Variants in EPHA7 observed in about 807,000 individuals in gnomAD.
EPHA7 encodes ephrin type-A receptor 7.
EPHA7 carries 25 observed loss-of-function variants against 112.6 expected under a neutral mutation model. That is an observed-to-expected ratio of 0.22 (90% CI 0.16 to 0.31). The LOEUF is 0.31. Ranked by LOEUF, EPHA7 falls within the 10% of genes least tolerant of loss-of-function variation. EPHA7 has a pLI of 1.00. For missense variants in EPHA7, 962 were observed against 1,212.6 expected, an observed-to-expected ratio of 0.79 and a Z score of 3.07; for synonymous variants, 437 against 406.5, an observed-to-expected ratio of 1.07 and a Z score of -0.90.
rs558435334 is a variant in EPHA7, at chr6:93,387,806, G to T, written c.832+22695C>A. 7.9e-5 allele frequency among the ~76,000 whole-genome samples: 12 copies of T among 152,130 alleles called. 1 individual carries two copies. The South Asian group carries it at 2.5e-3, about 32-fold the overall frequency. On this transcript the variant is annotated intron_variant, in intron 3 of 16. Transcript: ENST00000369303. ...CTCACTATCACAAGAACAGCATGGG[G>T]TAATCACCTCCATGATCTAATCAAC...
chr6:93,251,415 T>G (rs1254781320), intron 14 of EPHA7, among the ~76,000 whole-genome samples: 2 of 151,824 alleles, frequency 1.3e-5, no homozygotes, highest in African/African-American at 4.8e-5. Context: ...AATATCTACC[T>G]ACTAGGAAAA....
intron 3 of EPHA7, among the ~76,000 whole-genome samples, chr6:93,405,836 TA>T: frequency 7.8e-6 from 1 of 129,022 alleles, no homozygotes; most frequent in African/African-American, 2.7e-5. Context: ...TATATATATA[TA>T]TATATATATA....
At chr6:93,340,142 A>G (rs1775071269) in intron 5 of EPHA7, among the ~76,000 whole-genome samples, 1 of 151,838 alleles carries the variant, frequency 6.6e-6, no homozygotes, top group Admixed American at 6.6e-5. Context: ...CAATTTCTTT[A>G]AAAATGTAAA....
intron 2 of EPHA7, 135 bp downstream of exon 2, chr6:93,414,568 G>T (rs1779132157): frequency 1.4e-6 from 1 of 700,242 alleles, no homozygotes. Flanking sequence ...CATTATAAAT[G>T]CAACATAATA....
intron 6 of EPHA7, among the ~76,000 whole-genome samples, chr6:93,270,074 TGCTAAAAATCCAGAA>T (rs1771138068): frequency 6.6e-6 from 1 of 151,666 alleles, no homozygotes; most frequent in South Asian, 2.1e-4. Flanking sequence ...AAAAGCCAGA[TGCTAAAAATCCAGAA>T]AGTTATTAAA....
intron 5 of EPHA7, among the ~76,000 whole-genome samples, chr6:93,311,890 T>C (rs939985705): frequency 3.9e-5 from 6 of 152,180 alleles, no homozygotes; most frequent in Non-Finnish European, 8.8e-5. Context: ...AATATTAATC[T>C]CCTGTATCTC....
At chr6:93,305,805 A>T (rs1268966363) in intron 5 of EPHA7, among the ~76,000 whole-genome samples, 6 of 151,926 alleles carry the variant, frequency 3.9e-5, no homozygotes, top group Admixed American at 1.3e-4. Context: ...ATCTGTCAGA[A>T]GAAAATAAAA....
At chr6:93,361,271 G>C (rs1351188127) in intron 3 of EPHA7, among the ~76,000 whole-genome samples, 1 of 151,988 alleles carries the variant, frequency 6.6e-6, no homozygotes. Context: ...AAGCAAGCCA[G>C]TTTTCATTTG....
At chr6:93,275,911 G>A (rs866999852) in intron 5 of EPHA7, among the ~76,000 whole-genome samples, 3 of 151,814 alleles carry the variant, frequency 2.0e-5, no homozygotes, top group Admixed American at 6.6e-5. Flanking sequence ...TACAAAACAC[G>A]TATTTAAATT....
chr6:93,404,620 C>CATAT (rs112219676), intron 3 of EPHA7, among the ~76,000 whole-genome samples: 75 of 145,756 alleles, frequency 5.1e-4, no homozygotes, highest in African/African-American at 1.6e-3. Flanking sequence ...TACATATAAT[C>CATAT]ATATATATAT....
At chr6:93,388,970 A>T (rs887249720) in intron 3 of EPHA7, among the ~76,000 whole-genome samples, 1 of 152,072 alleles carries the variant, frequency 6.6e-6, no homozygotes, top group Admixed American at 6.6e-5. Context: ...GAGCAAGATC[A>T]AATGCACACA....
chr6:93,337,376 T>C (rs139343439), intron 5 of EPHA7, among the ~76,000 whole-genome samples: 25 of 152,286 alleles, frequency 1.6e-4, no homozygotes, highest in African/African-American at 5.8e-4. Flanking sequence ...CTCTGGAATA[T>C]AGATTAGAAA....
At chr6:93,319,577 G>A (rs192999429) in intron 5 of EPHA7, among the ~76,000 whole-genome samples, 2 of 152,244 alleles carry the variant, frequency 1.3e-5, no homozygotes, top group African/African-American at 4.8e-5. Context: ...TGGACTCACA[G>A]CAGCTTTCTG....
chr6:93,403,661 TAAA>T (rs59162017), intron 3 of EPHA7, among the ~76,000 whole-genome samples: 5 of 128,676 alleles, frequency 3.9e-5, no homozygotes, highest in African/African-American at 8.7e-5. Context: ...ACTCATCTCT[TAAA>T]AAAAAAAAAA....
At chr6:93,396,049 T>C (rs1778156449) in intron 3 of EPHA7, among the ~76,000 whole-genome samples, 2 of 151,906 alleles carry the variant, frequency 1.3e-5, no homozygotes, top group Non-Finnish European at 2.9e-5. Context: ...GTCTCTGCTG[T>C]CTATTGGAAA....
chr6:93,305,742 A>AT (rs1226839264), intron 5 of EPHA7, among the ~76,000 whole-genome samples: 1 of 151,898 alleles, frequency 6.6e-6, no homozygotes, highest in Non-Finnish European at 1.5e-5. Context: ...ACGGGAATAG[A>AT]TTTTTTTGTT....
intron 3 of EPHA7, among the ~76,000 whole-genome samples, chr6:93,383,718 T>G (rs1777463816): frequency 6.6e-6 from 1 of 152,316 alleles, no homozygotes; most frequent in South Asian, 2.1e-4. Flanking sequence ...TTTCTTTTTT[T>G]ATAGACAATG....
At chr6:93,347,565 A>C (rs184688194) in intron 5 of EPHA7, among the ~76,000 whole-genome samples, 32 of 152,042 alleles carry the variant, frequency 2.1e-4, no homozygotes, top group Non-Finnish European at 4.1e-4. Flanking sequence ...GAATTAAATT[A>C]TCTCAGGGAT....
intron 7 of EPHA7, among the ~76,000 whole-genome samples, chr6:93,264,919 AG>A (rs1770859123): frequency 6.6e-6 from 1 of 151,690 alleles, no homozygotes; most frequent in Non-Finnish European, 1.5e-5. Flanking sequence ...CAGCTACAAA[AG>A]AACGTATAAA....
Sources: gnomAD v4.1 joint callset for allele counts (sites outside exome capture counted in the v4.1 genomes callset) on GRCh38, gnomAD v4.1.1 for gene constraint, MANE v1.5 for transcripts, NCBI Gene and HGNC (gene_info 2026-07-23, HGNC 2026-07-21) for gene names.